The following FSTL5 variants were observed in gnomAD, a reference collection of about 807,000 sequenced individuals.
The protein encoded by FSTL5 is follistatin-related protein 5.
A neutral mutation model predicts 89.1 loss-of-function variants in FSTL5; 62 were observed. The ratio of observed to expected loss-of-function variants is 0.70; its 90% confidence interval spans 0.57 to 0.86. The LOEUF (loss-of-function observed/expected upper bound fraction) is 0.86, where lower values mean the gene tolerates loss of function less well. Ranked by LOEUF, FSTL5 falls within the 40% of genes least tolerant of loss-of-function variation. The pLI is 0.00. For synonymous variants in FSTL5, 383 were observed against 346.2 expected, an observed-to-expected ratio of 1.11 and a Z score of -1.18; for missense variants, 1,057 against 1,001.6, an observed-to-expected ratio of 1.06 and a Z score of -0.75.
chr4:161,682,086 A>T (rs1737545477), intron 6 of FSTL5, among the ~76,000 whole-genome samples: 1 of 152,190 alleles, frequency 6.6e-6, no homozygotes, highest in Non-Finnish European at 1.5e-5. Context: ...TTGTGTATCT[A>T]AATATTTCTA....
At chr4:161,456,422 T>A in intron 14 of FSTL5, among the ~76,000 whole-genome samples, 1 of 152,180 alleles carries the variant, frequency 6.6e-6, no homozygotes. Flanking sequence ...AATACATATT[T>A]TGCTTTCGTA....
intron 3 of FSTL5, among the ~76,000 whole-genome samples, chr4:161,939,410 C>T (rs1326931013): frequency 2.0e-5 from 3 of 151,848 alleles, no homozygotes; most frequent in Non-Finnish European, 2.9e-5. Context: ...CTGTATATTA[C>T]ATTCTTTAGA....
At chr4:161,774,539 A>G (rs913343067) in intron 5 of FSTL5, among the ~76,000 whole-genome samples, 1 of 152,126 alleles carries the variant, frequency 6.6e-6, no homozygotes, top group African/African-American at 2.4e-5. Flanking sequence ...TAGATGTCCA[A>G]ATCCAGACCA....
intron 3 of FSTL5, among the ~76,000 whole-genome samples, chr4:161,921,760 C>T (rs1395189557): frequency 1.3e-5 from 2 of 151,908 alleles, no homozygotes; most frequent in African/African-American, 4.8e-5. Context: ...GCTTTAGGGC[C>T]CTAGGTGACT....
At chr4:161,401,871 T>G (rs1251883105) in intron 15 of FSTL5, among the ~76,000 whole-genome samples, 1 of 152,200 alleles carries the variant, frequency 6.6e-6, no homozygotes, top group African/African-American at 2.4e-5. Flanking sequence ...TTGGTTGCAG[T>G]TCACTTGAAT....
intron 6 of FSTL5, among the ~76,000 whole-genome samples, chr4:161,731,969 T>C (rs1011572894): frequency 2.0e-5 from 3 of 152,132 alleles, no homozygotes; most frequent in African/African-American, 7.2e-5. Context: ...ATATGTTTTG[T>C]GTGACATTGA....
intron 6 of FSTL5, among the ~76,000 whole-genome samples, chr4:161,703,366 A>G (rs1738466903): frequency 6.6e-6 from 1 of 151,932 alleles, no homozygotes; most frequent in African/African-American, 2.4e-5. Context: ...TTCTCCTTCT[A>G]TGTTCTTCCT....
intron 4 of FSTL5, among the ~76,000 whole-genome samples, chr4:161,784,647 C>T (rs1741817272): frequency 6.6e-6 from 1 of 152,036 alleles, no homozygotes; most frequent in Non-Finnish European, 1.5e-5. Flanking sequence ...GTAATCCCAG[C>T]ACTTTGGAAG....
chr4:161,653,442 C>T (rs539488586), intron 7 of FSTL5, among the ~76,000 whole-genome samples: 8 of 152,060 alleles, frequency 5.3e-5, no homozygotes, highest in South Asian at 2.1e-4. Flanking sequence ...GCCTTATTTA[C>T]GTATCTGCTC....
intron 3 of FSTL5, among the ~76,000 whole-genome samples, chr4:162,030,581 G>A (rs974060743): frequency 5.9e-5 from 9 of 151,994 alleles, no homozygotes; most frequent in South Asian, 2.1e-4. Flanking sequence ...GAACTTTTTC[G>A]GTGGATGGAC....
chr4:161,832,726 AT>A (rs1730889013), intron 4 of FSTL5, among the ~76,000 whole-genome samples: 1 of 151,778 alleles, frequency 6.6e-6, no homozygotes, highest in Non-Finnish European at 1.5e-5. Context: ...CGGTGGTGAT[AT>A]CCCCTTTATC....
At chr4:161,661,505 A>G (rs1238928563) in intron 6 of FSTL5, among the ~76,000 whole-genome samples, 1 of 152,162 alleles carries the variant, frequency 6.6e-6, no homozygotes, top group Non-Finnish European at 1.5e-5. Context: ...AATCACTTAG[A>G]AACTGTAAAT....
At chr4:161,939,608 G>A (rs1223073382) in intron 3 of FSTL5, among the ~76,000 whole-genome samples, 4 of 151,876 alleles carry the variant, frequency 2.6e-5, no homozygotes, top group African/African-American at 7.3e-5. Context: ...TAATGAGAAG[G>A]ACTGTAGAGG....
At chr4:161,488,307 T>G (rs2126465073) in intron 12 of FSTL5, among the ~76,000 whole-genome samples, 1 of 152,228 alleles carries the variant, frequency 6.6e-6, no homozygotes, top group African/African-American at 2.4e-5. Context: ...GGGGCTCTAT[T>G]TGCCTAATTT....
rs368043601 is a variant in FSTL5 at position 162,062,442 on chromosome 4, C to T, written c.127-28784G>A. Among the ~76,000 whole-genome samples the T allele has an allele frequency of 1.3e-4, 20 of 151,882 alleles. No individual in the cohort carries two copies. The East Asian group carries it at 1.7e-3, about 13-fold the overall frequency. ...TTCCTGAAAATAAATTAAAATAAGT[C>T]GTCTTTCCTATCCAGTACAGTACCG... On this transcript the variant is annotated intron_variant, in intron 2 of 15. Coordinates refer to ENST00000306100, the MANE Select transcript of FSTL5 (RefSeq NM_020116.5).
intron 2 of FSTL5, among the ~76,000 whole-genome samples, chr4:162,066,543 G>A (rs1026675699): frequency 6.1e-5 from 9 of 146,374 alleles, no homozygotes; most frequent in Non-Finnish European, 9.0e-5. Flanking sequence ...TTTATGCCCC[G>A]CACGCATTAG....
chr4:161,668,690 G>C lies in FSTL5; in HGVS notation c.728-12196C>G, dbSNP rs138805425. On this transcript the variant is annotated intron_variant, in intron 6 of 15. Coordinates refer to ENST00000306100, the MANE Select transcript of FSTL5 (RefSeq NM_020116.5). ...CTATGACACGTTGGTGTTTGTCTCA[G>C]GTATGCAAGAATGAGTCAACATTTA... is the stretch of plus-strand genomic sequence containing the variant. Among the ~76,000 whole-genome samples, 1,063 of 152,158 alleles carry C rather than the reference G, an allele frequency of 7.0e-3. 8 individuals are homozygous for C. Among genetic ancestry groups the C allele is most frequent in the Non-Finnish European group, 0.011 (730 of 68,018 alleles).
intron 4 of FSTL5, among the ~76,000 whole-genome samples, chr4:161,795,164 G>T (rs1250757307): frequency 6.6e-6 from 1 of 151,650 alleles, no homozygotes; most frequent in Non-Finnish European, 1.5e-5. Flanking sequence ...TTATTACTAT[G>T]GTGGCAGATT....
chr4:161,423,378 AACTG>A (rs763709102), intron 15 of FSTL5, among the ~76,000 whole-genome samples: 1 of 150,414 alleles, frequency 6.6e-6, no homozygotes, highest in Non-Finnish European at 1.5e-5. Flanking sequence ...CAAAAGTAAC[AACTG>A]ACTGAGTCTT....
Sources: allele counts gnomAD v4.1 joint callset (sites outside exome capture counted in the v4.1 genomes callset), GRCh38; gene constraint gnomAD v4.1.1; transcripts MANE v1.5; gene names NCBI Gene and HGNC (gene_info 2026-07-23, HGNC 2026-07-21).